The following DNAJC8 variants were observed in gnomAD, a reference collection of about 807,000 sequenced individuals.
DNAJC8 encodes dnaJ homolog subfamily C member 8.
In DNAJC8, 24 loss-of-function variants were observed where a neutral mutation model predicts 43.2. The ratio of observed to expected loss-of-function variants is 0.56; its 90% CI spans 0.40 to 0.78. The LOEUF is 0.78. Ranked by LOEUF, DNAJC8 falls within the 30% of genes least tolerant of loss-of-function variation. The pLI, the probability that DNAJC8 is intolerant of heterozygous loss-of-function variation, is 0.00. For missense variants in DNAJC8, 207 were observed against 299.4 expected, an observed-to-expected ratio of 0.69 and a Z score of 2.28; for synonymous variants, 83 against 98.0, an observed-to-expected ratio of 0.85 and a Z score of 0.90.
chr1:28,229,086 C>G (rs1007807992), intron 1 of DNAJC8, 63 bp from the exon 2 acceptor site: 13 of 1,350,842 alleles, frequency 9.6e-6, no homozygotes, highest in Non-Finnish European at 1.4e-5. Flanking sequence ...ATTATCTTAA[C>G]AAAATGTTCA....
intron 2 of DNAJC8, among the ~76,000 whole-genome samples, chr1:28,226,134 T>C (rs909144386): frequency 2.0e-5 from 3 of 151,454 alleles, no homozygotes; most frequent in Non-Finnish European, 4.4e-5. Flanking sequence ...CAAAATTATT[T>C]GTAAATGTGA....
intron 3 of DNAJC8, among the ~76,000 whole-genome samples, chr1:28,212,212 T>TATATAC (rs1553167926): frequency 1.7e-5 from 2 of 116,636 alleles, no homozygotes; most frequent in East Asian, 2.6e-4. Context: ...TATATATATA[T>TATATAC]ATAAATGAAA....
chr1:28,203,740 A>G lies in DNAJC8; in HGVS notation c.639+7T>C, dbSNP rs762303360. ...AATTAGAATCCCTGGCCACCTTGGA[A>G]ATTTACCTCAAAGTTTTTCTGCCAC... is the stretch of plus-strand genomic sequence containing the variant. On this transcript the variant is annotated splice_region_variant and intron_variant, in intron 8 of 8. Transcript: ENST00000263697. 1 of 1,614,104 alleles carries G rather than the reference A, an allele frequency of 6.2e-7. No homozygotes were observed. The highest frequency in any genetic ancestry group is 8.5e-7 in the Non-Finnish European group (1 of 1,180,000).
At chr1:28,227,174 C>T (rs1338171095) in intron 2 of DNAJC8, among the ~76,000 whole-genome samples, 3 of 135,392 alleles carry the variant, frequency 2.2e-5, no homozygotes, top group African/African-American at 5.4e-5. Flanking sequence ...TTTGGGAGGC[C>T]GCGACAGGTG....
intron 8 of DNAJC8, among the ~76,000 whole-genome samples, 188 bp from the exon 9 acceptor site, chr1:28,201,558 G>A (rs1316007354): frequency 6.6e-6 from 1 of 152,190 alleles, no homozygotes; most frequent in Non-Finnish European, 1.5e-5. Flanking sequence ...GGAGGCCGAG[G>A]CGGGCAGATC....
chr1:28,214,008 C>A (rs1203242891), intron 3 of DNAJC8, among the ~76,000 whole-genome samples: 2 of 151,750 alleles, frequency 1.3e-5, no homozygotes, highest in African/African-American at 2.4e-5. Context: ...AGAGTGAGAC[C>A]CTGTCTCAAA....
chr1:28,220,496 G>A (rs1203046269), intron 2 of DNAJC8, among the ~76,000 whole-genome samples: 1 of 152,212 alleles, frequency 6.6e-6, no homozygotes, highest in East Asian at 1.9e-4. Flanking sequence ...TGTAGGCTGG[G>A]AAGTTCAAGG....
At position 28,227,049 on chromosome 1, in the gene DNAJC8, A is replaced by C. The variant is rs1646940001; in HGVS notation, c.180+1873T>G. The stretch of plus-strand genomic sequence containing the variant: ...TTCATTTATGATTAAAGATGTTAAC[A>C]GATTTAACATCTTGTCAAGCATTGC... On this transcript the variant is annotated intron_variant, in intron 2 of 8. Transcript: ENST00000263697. Among the ~76,000 whole-genome samples the C allele has an allele frequency of 1.4e-5, 2 of 144,836 alleles. 1 individual carries two copies. The highest frequency in any genetic ancestry group is 4.0e-4 in the East Asian group (2 of 5,032).
chr1:28,201,448 C>T, intron 8 of DNAJC8, 78 bp from the exon 9 acceptor site: 1 of 1,593,834 alleles, frequency 6.3e-7, no homozygotes, highest in South Asian at 1.1e-5. Flanking sequence ...CATCCACTCA[C>T]CCTCCTGTAG....
At chr1:28,202,629 G>A (rs970828996) in intron 8 of DNAJC8, among the ~76,000 whole-genome samples, 4 of 136,464 alleles carry the variant, frequency 2.9e-5, no homozygotes, top group African/African-American at 5.5e-5. Context: ...CACCCAGGCT[G>A]GAGTGCAGTG....
chr1:28,212,993 T>C (rs928268379), intron 3 of DNAJC8, among the ~76,000 whole-genome samples: 6 of 152,234 alleles, frequency 3.9e-5, no homozygotes, highest in Non-Finnish European at 1.5e-5. Flanking sequence ...ATAGTGAGGA[T>C]ACATTATGTG....
intron 2 of DNAJC8, among the ~76,000 whole-genome samples, chr1:28,218,660 A>C (rs77622291): frequency 4.0e-5 from 6 of 151,496 alleles, no homozygotes; most frequent in East Asian, 2.0e-4. Flanking sequence ...AATCCCAGTG[A>C]TTTGGGAGGC....
Position 28,210,009 on chromosome 1 carries a change from T to C in DNAJC8, c.362A>G (p.Asp121Gly). 6.2e-7 allele frequency: 1 copy of C among 1,614,090 alleles called. No homozygotes were observed. The highest frequency in any genetic ancestry group is 8.5e-7 in the Non-Finnish European group (1 of 1,179,954). ...GTATTCTTTTCCTGCCTGAATTACA[T>C]CCAGGGCCCTCTTCTTTTGCTCCTG... ...LDQEQKKRAL[D>G]VIQAGKEYVE... The change falls in exon 5 of 9, where the codon GAT (aspartate) becomes GGT (glycine). Residue 121 changes from aspartate (D) to glycine (G), a missense_variant. By Grantham distance (94) the Asp-to-Gly change is moderately conservative (BLOSUM62 -1). Coordinates refer to ENST00000263697, the MANE Select transcript of DNAJC8 (RefSeq NM_014280.3).
At chr1:28,215,299 T>C (rs1356683565) in intron 2 of DNAJC8, among the ~76,000 whole-genome samples, 1 of 152,178 alleles carries the variant, frequency 6.6e-6, no homozygotes, top group Non-Finnish European at 1.5e-5. Context: ...TTCTCCTTCA[T>C]TCATTAAAAG....
intron 2 of DNAJC8, among the ~76,000 whole-genome samples, chr1:28,220,251 T>A (rs762730988): frequency 1.3e-5 from 2 of 152,220 alleles, no homozygotes; most frequent in Non-Finnish European, 2.9e-5. Flanking sequence ...TCCTCTTTTG[T>A]CTTTAAGAGC....
chr1:28,230,342 A>G (rs533397662), intron 1 of DNAJC8: 1 of 152,186 alleles, frequency 6.6e-6, no homozygotes, highest in African/African-American at 2.4e-5. Context: ...TGAAAACAGG[A>G]TTTTTTTTCT....
intron 6 of DNAJC8, among the ~76,000 whole-genome samples, chr1:28,207,431 T>G (rs796239086): frequency 1.3e-5 from 2 of 150,444 alleles, no homozygotes; most frequent in East Asian, 3.9e-4. Context: ...AAATAAAATG[T>G]TTGTTGTTGT....
At chr1:28,221,600 G>T (rs1646898844) in intron 2 of DNAJC8, among the ~76,000 whole-genome samples, 1 of 152,126 alleles carries the variant, frequency 6.6e-6, no homozygotes, top group South Asian at 2.1e-4. Context: ...GGTCCCCACA[G>T]GAGATACTAA....
chr1:28,208,421 G>A lies in DNAJC8; in HGVS notation c.400-8C>T. 1.9e-6 allele frequency: 3 copies of A among 1,593,224 alleles called. No homozygotes were observed. Among genetic ancestry groups the A allele is most frequent in the Non-Finnish European group, 2.6e-6 (3 of 1,166,670 alleles). On this transcript the variant is annotated splice_region_variant and splice_polypyrimidine_tract_variant and intron_variant, in intron 5 of 8. Transcript: ENST00000263697. ...TTTTTTTCGCTCTTTCACCTAAAAA[G>A]AATTTTTTTTCATCAAAAGACGAGC...
Sources: allele counts gnomAD v4.1 joint callset (sites outside exome capture counted in the v4.1 genomes callset), GRCh38; gene constraint gnomAD v4.1.1; transcripts MANE v1.5; gene names NCBI Gene and HGNC (gene_info 2026-07-23, HGNC 2026-07-21).